Variants in ZFYVE28 observed in about 807,000 individuals in gnomAD.
ZFYVE28 encodes zinc finger FYVE-type containing 28.
A neutral mutation model predicts 82.1 loss-of-function variants in ZFYVE28; 40 were observed. The observed-to-expected ratio is 0.49, with a 90% confidence interval of 0.38 to 0.63. The LOEUF (loss-of-function observed/expected upper bound fraction) is 0.63, where lower values mean the gene tolerates loss of function less well. Among genes scored for constraint, ZFYVE28 ranks in the 30% least tolerant of loss-of-function variants. The pLI is 0.00. For missense variants in ZFYVE28, 1,321 were observed against 1,242.1 expected (o/e 1.06, Z -0.96); for synonymous variants, 612 against 546.1 (o/e 1.12, Z -1.68).
At chr4:2,279,697 C>A (rs538027975) in intron 8 of ZFYVE28, among the ~76,000 whole-genome samples, 1 of 151,336 alleles carries the variant, frequency 6.6e-6, no homozygotes, top group African/African-American at 2.4e-5. Context: ...AGAAGAATGG[C>A]GTGAACCCGG....
intron 2 of ZFYVE28, among the ~76,000 whole-genome samples, chr4:2,344,191 G>C (rs965813167): frequency 6.6e-6 from 1 of 152,256 alleles, no homozygotes; most frequent in Non-Finnish European, 1.5e-5. Context: ...AGGCAGAGAA[G>C]AGAGAGCTGG....
chr4:2,360,110 T>C (rs1725910990), intron 1 of ZFYVE28, among the ~76,000 whole-genome samples: 1 of 151,766 alleles, frequency 6.6e-6, no homozygotes. Flanking sequence ...GCTCTGACGG[T>C]ATAATTGCCT....
chr4:2,290,039 C>T (rs1219049446), intron 8 of ZFYVE28, among the ~76,000 whole-genome samples: 1 of 152,158 alleles, frequency 6.6e-6, no homozygotes, highest in African/African-American at 2.4e-5. Flanking sequence ...GGAGGCCAGC[C>T]CAGCTCAACA....
chr4:2,337,448 C>T lies in ZFYVE28; in HGVS notation c.570G>A (p.Val190=). The T allele has an allele frequency of 6.2e-7, 1 of 1,610,858 alleles. No homozygotes were observed. Among genetic ancestry groups the T allele is most frequent in the Non-Finnish European group, 8.5e-7 (1 of 1,178,366 alleles). ...VPVKSPREYY[V]QQEVIVLFCE... Reference sequence around the variant, plus strand: ...AGAAGAGCACGATGACCTCCTGCTGCACGTAGTACTCCCTGGGGGACTTCA... The same window carrying T: ...AGAAGAGCACGATGACCTCCTGCTGTACGTAGTACTCCCTGGGGGACTTCA... Residue 190 remains valine (V), a synonymous_variant, in exon 5 of 13, where the codon GTG becomes GTA. Transcript: ENST00000290974.
chr4:2,399,087 T>TGAGATCCAGGGCACAAGCGTGGAGGA lies in ZFYVE28; in HGVS notation c.39+19197_39+19198insTCCTCCACGCTTGTGCCCTGGATCTC, dbSNP rs1560338905. On this transcript the variant is annotated intron_variant, in intron 1 of 12. Coordinates refer to ENST00000290974, the MANE Select transcript of ZFYVE28 (RefSeq NM_020972.3). ...GAGATCCAGGGCACAAGCGTGAAGG[T>TGAGATCCAGGGCACAAGCGTGGAGGA]GAGATCCAGGGCACAAGCTGGGGCA... is the stretch of plus-strand genomic sequence containing the variant. Among the ~76,000 whole-genome samples the TGAGATCCAGGGCACAAGCGTGGAGGA allele has an allele frequency of 6.2e-4, 15 of 24,276 alleles. 1 individual carries two copies. The highest frequency in any genetic ancestry group is 1.4e-3 in the East Asian group (1 of 716). The allele number at this position is 24,276 out of a possible 152,430, so 15.9% of individuals were successfully genotyped here.
rs77401341 is a variant in ZFYVE28, at chr4:2,398,158, T to C, written c.39+20127A>G. Among the ~76,000 whole-genome samples, 145 of 152,288 alleles carry C rather than the reference T, an allele frequency of 9.5e-4. 5 individuals are homozygous for C. The East Asian group carries it at 0.027, about 29-fold the overall frequency. ...TGTGAGGCACCAAGGGCAAGGGACC[T>C]AGAGCTGGTGCCAGTGGATGGCCTG... is the stretch of plus-strand genomic sequence containing the variant. On this transcript the variant is annotated intron_variant, in intron 1 of 12. Transcript: ENST00000290974.
chr4:2,338,985 A>ATT (rs34629793), intron 4 of ZFYVE28, among the ~76,000 whole-genome samples: 1 of 151,260 alleles, frequency 6.6e-6, no homozygotes, highest in Admixed American at 6.6e-5. Context: ...AATTTTTTGT[A>ATT]TTTTTTTTAG....
chr4:2,377,067 G>T (rs1355421967), intron 1 of ZFYVE28, among the ~76,000 whole-genome samples: 2 of 151,726 alleles, frequency 1.3e-5, no homozygotes, highest in East Asian at 1.9e-4. Context: ...TGTCACCCAG[G>T]CTGGAGTGCA....
At chr4:2,278,938 C>A (rs565163957) in intron 8 of ZFYVE28, among the ~76,000 whole-genome samples, 38 of 148,324 alleles carry the variant, frequency 2.6e-4, no homozygotes, top group East Asian at 2.4e-3. Context: ...TTCCCCCCCC[C>A]CTCAAAAAAA....
In ZFYVE28 at chr4:2,304,300, C is replaced by A; in HGVS notation, c.2040G>T (p.Leu680=). 1 of 1,578,482 alleles carries A rather than the reference C, an allele frequency of 6.3e-7. No homozygotes were observed. The highest frequency in any genetic ancestry group is 8.6e-7 in the Non-Finnish European group (1 of 1,168,870). ...AGACTGGCTCTTACCTGGAGCCCGA[C>A]AGGGCCTGAGGCGCCTCGTGAGCCG... is the stretch of plus-strand genomic sequence containing the variant. ...SPSAHEAPQA[L]SGSSSSTAGS... is the part of the protein sequence containing the mutation. The change falls in exon 8 of 13, where the codon CTG becomes CTT. Residue 680 remains leucine, a synonymous_variant. Coordinates refer to ENST00000290974, the MANE Select transcript of ZFYVE28 (RefSeq NM_020972.3).
In ZFYVE28 at chr4:2,300,802, C is replaced by T. The variant is rs1459554797; in HGVS notation, c.2051+3487G>A. On this transcript the variant is annotated intron_variant, in intron 8 of 12. Transcript: ENST00000290974. This position sits in a 1 kb window ranked among gnomAD's most constrained non-coding sequence, Gnocchi z 4.6. The stretch of plus-strand genomic sequence containing the variant: ...GAGACTGGAAGCCGTGAATCAAGGC[C>T]GTGCCCACTGTTCCCTCTGAACCGT... 6.6e-6 allele frequency among the ~76,000 whole-genome samples: 1 copy of T among 152,148 alleles called. No homozygotes were observed.
Position 2,337,421 on chromosome 4 carries a change from G to A in ZFYVE28, c.597C>T (p.Cys199=), listed in dbSNP as rs201642933. The stretch of plus-strand genomic sequence containing the variant: ...CCTGTGCTCACCTCTCCACCGTCTC[G>A]CAGAAGAGCACGATGACCTCCTGCT... The part of the protein sequence containing the change: ...YVQQEVIVLF[C]ETVERALDFG... The change falls in exon 5 of 13, where the codon TGC becomes TGT. Residue 199 remains cysteine (C), a synonymous_variant. Coordinates refer to ENST00000290974, the MANE Select transcript of ZFYVE28 (RefSeq NM_020972.3). 1.3e-4 allele frequency: 207 copies of A among 1,607,544 alleles called. 3 individuals are homozygous for A. In the Admixed American group the frequency reaches 3.0e-3, roughly 23 times the overall value.
rs1732125501 is a variant in ZFYVE28, at chr4:2,408,183, C to A, written c.39+10102G>T. On this transcript the variant is annotated intron_variant, in intron 1 of 12. Transcript: ENST00000290974. This position sits in a 1 kb window ranked among gnomAD's most constrained non-coding sequence, Gnocchi z 4.3. ...AACCTGCCCTCACTGGACAGCAATG[C>A]TTCACCCAGTCCTGGACCAACACAT... 6.6e-6 allele frequency among the ~76,000 whole-genome samples: 1 copy of A among 152,200 alleles called. No individual in the cohort carries two copies. Among genetic ancestry groups the A allele is most frequent in the Admixed American group, 6.5e-5 (1 of 15,292 alleles).
intron 8 of ZFYVE28, among the ~76,000 whole-genome samples, chr4:2,290,568 C>T (rs1713481714): frequency 6.6e-6 from 1 of 152,336 alleles, no homozygotes; most frequent in South Asian, 2.1e-4. Context: ...GCCATGGGGG[C>T]AGGTGCAGCA....
chr4:2,381,007 A>G (rs1728677097), intron 1 of ZFYVE28, among the ~76,000 whole-genome samples: 1 of 152,244 alleles, frequency 6.6e-6, no homozygotes, highest in South Asian at 2.1e-4. Flanking sequence ...AATAACAGGC[A>G]GAAGTTGGAA....
In ZFYVE28 at chr4:2,326,195, A is replaced by G. The variant is rs372335924; in HGVS notation, c.702-5924T>C. 2.0e-5 allele frequency among the ~76,000 whole-genome samples: 3 copies of G among 152,130 alleles called. No individual in the cohort carries two copies. In the East Asian group the frequency reaches 5.8e-4, roughly 29 times the overall value. ...TAGTAGTTTTAGAGTTTCTGGTCTT[A>G]TATTTAGCTCTTTAATCCATTTTGA... On this transcript the variant is annotated intron_variant, in intron 6 of 12. Transcript: ENST00000290974.
chr4:2,309,698 G>C (rs557927322), intron 7 of ZFYVE28, among the ~76,000 whole-genome samples: 1 of 152,254 alleles, frequency 6.6e-6, no homozygotes, highest in African/African-American at 2.4e-5. Context: ...GTGAATAGTA[G>C]ACATCTTCTT....
chr4:2,340,761 GCAGAGGACACCCCAAC>G (rs1287915636), intron 3 of ZFYVE28, among the ~76,000 whole-genome samples: 1 of 152,162 alleles, frequency 6.6e-6, no homozygotes, highest in African/African-American at 2.4e-5. Flanking sequence ...CCAAGCCTCG[GCAGAGGACACCCCAAC>G]CAGGTGGCTC....
At chr4:2,373,369 T>C (rs1204853093) in intron 1 of ZFYVE28, among the ~76,000 whole-genome samples, 6 of 152,024 alleles carry the variant, frequency 3.9e-5, no homozygotes, top group African/African-American at 1.5e-4. Flanking sequence ...TGTGGTGGCA[T>C]GCACCTGTAG....
Sources: allele counts gnomAD v4.1 joint callset (sites outside exome capture counted in the v4.1 genomes callset), GRCh38; gene constraint gnomAD v4.1.1; non-coding constraint Gnocchi (gnomAD v3.1); transcripts MANE v1.5; gene names NCBI Gene and HGNC (gene_info 2026-07-23, HGNC 2026-07-21).